Variants in CDH4 observed in about 807,000 individuals in gnomAD.
CDH4 encodes the protein cadherin-4.
Under a neutral mutation model 86.0 loss-of-function variants are expected in CDH4, and 33 were observed. That is an observed-to-expected ratio of 0.38 (90% CI 0.29 to 0.51). The LOEUF (loss-of-function observed/expected upper bound fraction) is 0.51, where lower values mean the gene tolerates loss of function less well. Ranked by LOEUF, CDH4 falls within the 20% of genes least tolerant of loss-of-function variation. The pLI is 0.86. For synonymous variants in CDH4, 555 were observed against 549.4 expected (o/e 1.01, Z -0.14); for missense variants, 1,114 against 1,307.4 (o/e 0.85, Z 2.28).
Position 61,810,599 on chromosome 20 carries a change from C to T in CDH4, c.577-34069C>T, listed in dbSNP as rs1480610247. On this transcript the variant is annotated intron_variant, in intron 4 of 15. Coordinates refer to ENST00000614565, the MANE Select transcript of CDH4 (RefSeq NM_001794.5). The surrounding 1 kb of genome is among the most constrained non-coding windows in gnomAD (Gnocchi z 4.3). Reference sequence around the variant, plus strand: ...GCCCGCCTCACCCTGCCTCCTGCCTCCCGCCCTGCTCCCATCCACCACTAC... The same window carrying T: ...GCCCGCCTCACCCTGCCTCCTGCCTTCCGCCCTGCTCCCATCCACCACTAC... Among the ~76,000 whole-genome samples, 1 of 152,222 alleles carries T rather than the reference C, an allele frequency of 6.6e-6. No individual in the cohort carries two copies. Among genetic ancestry groups the T allele is most frequent in the Non-Finnish European group, 1.5e-5 (1 of 68,030 alleles).
chr20:61,448,581 G>A (rs148077694), intron 2 of CDH4, among the ~76,000 whole-genome samples: 201 of 152,208 alleles, frequency 1.3e-3, no homozygotes, highest in Non-Finnish European at 2.2e-3. Flanking sequence ...AGGACAAAGC[G>A]GACTCTGATT....
intron 2 of CDH4, among the ~76,000 whole-genome samples, chr20:61,465,844 G>A (rs1299769334): frequency 6.6e-6 from 1 of 151,554 alleles, no homozygotes; most frequent in Non-Finnish European, 1.5e-5. Flanking sequence ...ATTTTATAGG[G>A]TGTAAATAGG....
At chr20:61,671,366 C>T (rs905840242) in intron 2 of CDH4, among the ~76,000 whole-genome samples, 1 of 152,142 alleles carries the variant, frequency 6.6e-6, no homozygotes, top group African/African-American at 2.4e-5. Context: ...CACAGTGGCA[C>T]ACACCTGTAG....
chr20:61,656,452 G>T (rs2087192276), intron 2 of CDH4, among the ~76,000 whole-genome samples: 1 of 152,118 alleles, frequency 6.6e-6, no homozygotes. Flanking sequence ...AAAGGTTTGT[G>T]ATTGGGTGGA....
chr20:61,256,317 C>A (rs183968863), intron 2 of CDH4, among the ~76,000 whole-genome samples: 21 of 152,270 alleles, frequency 1.4e-4, no homozygotes, highest in Non-Finnish European at 2.6e-4. Context: ...GATTATGTGG[C>A]CAAATATGAT....
At chr20:61,538,514 A>T (rs2145651923) in intron 2 of CDH4, among the ~76,000 whole-genome samples, 1 of 152,180 alleles carries the variant, frequency 6.6e-6, no homozygotes, top group Middle Eastern at 3.4e-3. Flanking sequence ...TACTCTGTGT[A>T]CTTTCGCCTG....
intron 2 of CDH4, among the ~76,000 whole-genome samples, chr20:61,530,601 C>G (rs1294653678): frequency 6.6e-6 from 1 of 152,048 alleles, no homozygotes; most frequent in Non-Finnish European, 1.5e-5. Context: ...GGGAGGCAGT[C>G]GAAGGAGAGT....
rs180777344 is a variant in CDH4, at chr20:61,778,242, G to A, written c.576+5060G>A. ...TGGAAGAAGCCCCAATCACAGAGAC[G>A]GTGGTGAATGCAGCCTGATGCGGGG... On this transcript the variant is annotated intron_variant, in intron 4 of 15. Coordinates refer to ENST00000614565, the MANE Select transcript of CDH4 (RefSeq NM_001794.5). 4.9e-4 allele frequency among the ~76,000 whole-genome samples: 75 copies of A among 152,300 alleles called. 1 individual carries two copies. The East Asian group carries it at 0.012, about 24-fold the overall frequency.
At chr20:61,742,491 G>C (rs78725328) in intron 2 of CDH4, among the ~76,000 whole-genome samples, 1 of 152,132 alleles carries the variant, frequency 6.6e-6, no homozygotes, top group African/African-American at 2.4e-5. Flanking sequence ...ACAGTGAGTC[G>C]CTTTTTTTGG....
At chr20:61,357,985 C>T (rs1010010208) in intron 2 of CDH4, among the ~76,000 whole-genome samples, 6 of 152,092 alleles carry the variant, frequency 3.9e-5, no homozygotes, top group Middle Eastern at 3.2e-3. Flanking sequence ...AGAACGATGG[C>T]GTTTTTGTGT....
chr20:61,822,277 A>G (rs73307828), intron 4 of CDH4, among the ~76,000 whole-genome samples: 3,111 of 152,310 alleles, frequency 0.02, 98 homozygotes, highest in African/African-American at 0.067. Context: ...TCATTTTAAT[A>G]TAATAACCGT....
At chr20:61,533,675 A>G (rs953011799) in intron 2 of CDH4, among the ~76,000 whole-genome samples, 1 of 152,192 alleles carries the variant, frequency 6.6e-6, no homozygotes, top group Non-Finnish European at 1.5e-5. Flanking sequence ...CTCCTGCTTC[A>G]TGGTTGCACA....
intron 4 of CDH4, among the ~76,000 whole-genome samples, chr20:61,793,577 C>A (rs1165953972): frequency 3.9e-5 from 6 of 152,038 alleles, no homozygotes; most frequent in African/African-American, 9.7e-5. Context: ...CGCAGTGGCT[C>A]ACGCCTGTAA....
At chr20:61,317,953 T>C (rs369547234) in intron 2 of CDH4, among the ~76,000 whole-genome samples, 5 of 152,332 alleles carry the variant, frequency 3.3e-5, no homozygotes, top group African/African-American at 9.6e-5. Flanking sequence ...TGAAGTGTTG[T>C]GCACACTTAT....
At chr20:61,821,939 G>A (rs1273651731) in intron 4 of CDH4, among the ~76,000 whole-genome samples, 1 of 152,230 alleles carries the variant, frequency 6.6e-6, no homozygotes, top group Non-Finnish European at 1.5e-5. Context: ...CTCCTTGTGT[G>A]GGGTGCAGAC....
rs2084064794 is a variant in CDH4 at position 61,252,378 on chromosome 20, G to T, written c.-136G>T. On this transcript the variant is annotated 5_prime_UTR_variant, in exon 1 of 16. Coordinates refer to ENST00000614565, the MANE Select transcript of CDH4 (RefSeq NM_001794.5). The surrounding 1 kb of genome is among the most constrained non-coding windows in gnomAD (Gnocchi z 4.4). ...CGAGCGCGGCGGGCGCAGCGGGGCTGGAGGCTCCGGGCAGGCGCGGGGGAG... is the reference window on the plus strand; with the variant it reads ...CGAGCGCGGCGGGCGCAGCGGGGCTTGAGGCTCCGGGCAGGCGCGGGGGAG... 4.0e-6 allele frequency: 1 copy of T among 250,256 alleles called. No individual in the cohort carries two copies. Among genetic ancestry groups the T allele is most frequent in the Non-Finnish European group, 6.2e-6 (1 of 160,198 alleles). 15.5% of individuals were successfully genotyped at this position (250,256 alleles called of 1,614,324 possible).
chr20:61,308,511 A>C (rs535559256), intron 2 of CDH4, among the ~76,000 whole-genome samples: 1 of 152,312 alleles, frequency 6.6e-6, no homozygotes, highest in East Asian at 1.9e-4. Context: ...AACTCTGGCA[A>C]AAGTCAGACA....
intron 2 of CDH4, among the ~76,000 whole-genome samples, chr20:61,461,629 G>A (rs945975156): frequency 6.6e-6 from 1 of 152,104 alleles, no homozygotes; most frequent in Admixed American, 6.5e-5. Flanking sequence ...CCGCAACGGG[G>A]GAGTGAGGGG....
At chr20:61,416,105 A>T (rs993755883) in intron 2 of CDH4, among the ~76,000 whole-genome samples, 1 of 150,834 alleles carries the variant, frequency 6.6e-6, no homozygotes, top group African/African-American at 2.4e-5. Flanking sequence ...GGGTTTAAGC[A>T]ATTCTCCTGC....
Sources: allele counts gnomAD v4.1 joint callset (sites outside exome capture counted in the v4.1 genomes callset), GRCh38; gene constraint gnomAD v4.1.1; non-coding constraint Gnocchi (gnomAD v3.1); transcripts MANE v1.5; gene names NCBI Gene and HGNC (gene_info 2026-07-23, HGNC 2026-07-21).